The following MIGA1 variants were observed in gnomAD, a reference collection of about 807,000 sequenced individuals.
MIGA1 encodes family with sequence similarity 73, member A.
In MIGA1, 58 loss-of-function variants were observed where a neutral mutation model predicts 82.0. The ratio of observed to expected loss-of-function variants is 0.71; its 90% CI spans 0.57 to 0.88. The LOEUF is 0.88. MIGA1 is among the 40% of genes least tolerant of loss of function. MIGA1 has a pLI of 0.00. For missense variants in MIGA1, 751 were observed against 749.1 expected, an observed-to-expected ratio of 1.00 and a Z score of -0.03; for synonymous variants, 249 against 253.6, an observed-to-expected ratio of 0.98 and a Z score of 0.17.
intron 5 of MIGA1, chr1:77,811,370 C>T (rs189973213): frequency 7.5e-6 from 12 of 1,606,942 alleles, no homozygotes; most frequent in Middle Eastern, 2.2e-4. Flanking sequence ...CCAGCACCAC[C>T]CTCTTCTTCA....
At chr1:77,814,414 C>G (rs751662307) in intron 6 of MIGA1, among the ~76,000 whole-genome samples, 11 of 151,856 alleles carry the variant, frequency 7.2e-5, no homozygotes, top group Non-Finnish European at 1.5e-4. Flanking sequence ...GAAATGGGGT[C>G]TTGCTATGTT....
chr1:77,855,868 C>T (rs528608984), intron 8 of MIGA1, among the ~76,000 whole-genome samples: 4 of 152,130 alleles, frequency 2.6e-5, no homozygotes, highest in South Asian at 2.1e-4. Context: ...TCTTTACCGA[C>T]GTGGATGCCC....
intron 8 of MIGA1, among the ~76,000 whole-genome samples, chr1:77,844,281 G>A (rs1169621713): frequency 1.1e-5 from 1 of 89,598 alleles, no homozygotes; most frequent in African/African-American, 2.9e-5. Flanking sequence ...AATTAGAAAT[G>A]TTATAAAGCT....
intron 7 of MIGA1, among the ~76,000 whole-genome samples, chr1:77,829,304 G>A (rs920250671): frequency 1.3e-5 from 2 of 152,132 alleles, no homozygotes; most frequent in Non-Finnish European, 2.9e-5. Context: ...TTAGCTGGGT[G>A]TGGTGGCATG....
chr1:77,829,850 T>TA (rs1217169654), intron 7 of MIGA1, among the ~76,000 whole-genome samples: 1 of 152,016 alleles, frequency 6.6e-6, no homozygotes, highest in Non-Finnish European at 1.5e-5. Flanking sequence ...TCTCTTTGAA[T>TA]AATATATTCT....
At chr1:77,859,092 A>G (rs1685371806) in intron 9 of MIGA1, 36 bp downstream of exon 9, 2 of 1,305,272 alleles carry the variant, frequency 1.5e-6, no homozygotes, top group Non-Finnish European at 2.2e-6. Context: ...TATGAAGGAT[A>G]TTAAGGTGTT....
chr1:77,859,736 AAG>A, intron 10 of MIGA1: 1 of 370,330 alleles, frequency 2.7e-6, no homozygotes, highest in East Asian at 4.6e-5. Flanking sequence ...ATTTTCTAAA[AAG>A]AAAATAACAA....
chr1:77,858,912 T>C (rs763641687), intron 8 of MIGA1, 26 bp from the exon 9 acceptor site: 2 of 1,368,798 alleles, frequency 1.5e-6, no homozygotes, highest in East Asian at 2.3e-5. Flanking sequence ...TAGCCTGTAT[T>C]CTGTTCTAAC....
intron 4 of MIGA1, among the ~76,000 whole-genome samples, chr1:77,804,591 T>C (rs990175181): frequency 6.6e-6 from 1 of 152,038 alleles, no homozygotes; most frequent in African/African-American, 2.4e-5. Context: ...ATCCACTCAA[T>C]TCCCCGCCAT....
chr1:77,857,790 T>C (rs1685320893), intron 8 of MIGA1, among the ~76,000 whole-genome samples: 1 of 142,366 alleles, frequency 7.0e-6, no homozygotes, highest in African/African-American at 2.5e-5. Flanking sequence ...TTTAATGAAC[T>C]GTCAGAAGAT....
intron 7 of MIGA1, among the ~76,000 whole-genome samples, chr1:77,835,164 C>T (rs1684381075): frequency 6.6e-6 from 1 of 152,142 alleles, no homozygotes; most frequent in Non-Finnish European, 1.5e-5. Flanking sequence ...AGTTCCAGGA[C>T]TTCTAGTTTT....
At position 77,876,884 on chromosome 1, in the gene MIGA1, A is replaced by G. The variant is rs966025977; in HGVS notation, c.*1820A>G. The G allele has an allele frequency of 4.6e-5, 7 of 152,212 alleles. No homozygotes were observed. The South Asian group carries it at 1.0e-3, about 22-fold the overall frequency. 9.4% of individuals were successfully genotyped at this position (152,212 alleles called of 1,614,324 possible). ...AGTTGTATTAATTTTGTTTCTAAAT[A>G]ATATACCACTTATTTGGAGTGACTA... On this transcript the variant is annotated 3_prime_UTR_variant, in exon 16 of 16. Coordinates refer to ENST00000370791, the MANE Select transcript of MIGA1 (RefSeq NM_198549.4).
intron 14 of MIGA1, among the ~76,000 whole-genome samples, chr1:77,868,919 CTT>C (rs915584953): frequency 7.3e-6 from 1 of 136,116 alleles, no homozygotes; most frequent in Admixed American, 7.3e-5. Flanking sequence ...AGCACATTTT[CTT>C]TTTTTTTTTA....
chr1:77,848,123 C>A, intron 8 of MIGA1: 1 of 1,330,754 alleles, frequency 7.5e-7, no homozygotes, highest in Non-Finnish European at 1.1e-6. Context: ...ACGAGGAGAA[C>A]CATTACACTG....
intron 12 of MIGA1, among the ~76,000 whole-genome samples, chr1:77,863,195 T>G (rs1685535815): frequency 6.6e-6 from 1 of 152,182 alleles, no homozygotes; most frequent in Non-Finnish European, 1.5e-5. Flanking sequence ...CTAAATATCT[T>G]TCAGTTTCTT....
Position 77,843,379 on chromosome 1 carries a change from C to G in MIGA1, c.968C>G (p.Ser323Cys). 1 of 1,613,924 alleles carries G rather than the reference C, an allele frequency of 6.2e-7. No homozygotes were observed. Among genetic ancestry groups the G allele is most frequent in the Admixed American group, 1.7e-5 (1 of 60,022 alleles). The stretch of plus-strand genomic sequence containing the variant: ...CTGCGAGACACCTTGAGCATCGCAT[C>G]CACGGATTCCTTTGCTTCCGCAGCA... The change falls in exon 8 of 16, where the codon TCC (serine) becomes TGC (cysteine). Residue 323 changes from serine (S) to cysteine (C), a missense_variant. By Grantham distance (112) the Ser-to-Cys change is moderately radical. Around this residue, in one of 3 missense-constraint regions of MIGA1, gnomAD observed 482 missense variants for 439.4 expected, o/e 1.10. Coordinates refer to ENST00000370791, the MANE Select transcript of MIGA1 (RefSeq NM_198549.4).
intron 12 of MIGA1, 166 bp downstream of exon 12, chr1:77,861,488 G>A: frequency 1.9e-6 from 1 of 521,248 alleles, no homozygotes; most frequent in East Asian, 3.3e-5. Context: ...TGTACGTTGG[G>A]GCAGTAGTTG....
chr1:77,847,911 A>G (rs1684903684), intron 8 of MIGA1: 4 of 1,472,832 alleles, frequency 2.7e-6, no homozygotes, highest in Admixed American at 1.7e-5. Flanking sequence ...GGATGATGAA[A>G]TAAAGAAACT....
chr1:77,846,977 T>G (rs1234585783), intron 8 of MIGA1: 1 of 540,694 alleles, frequency 1.8e-6, no homozygotes, highest in Non-Finnish European at 3.3e-6. Context: ...TTTAGATACC[T>G]CTACTTGTAC....
Sources: allele counts gnomAD v4.1 joint callset (sites outside exome capture counted in the v4.1 genomes callset), GRCh38; gene constraint gnomAD v4.1.1; regional missense constraint gnomAD v4.1.1; transcripts MANE v1.5; gene names NCBI Gene and HGNC (gene_info 2026-07-23, HGNC 2026-07-21).